The following COL5A2 variants were observed in gnomAD, a reference collection of about 807,000 sequenced individuals.
COL5A2 encodes collagen alpha-2(V) chain.
Under a neutral mutation model 208.2 loss-of-function variants are expected in COL5A2, and 23 were observed. That is an observed-to-expected ratio of 0.11 (90% CI 0.08 to 0.16). The LOEUF is 0.16. Among genes scored for constraint, COL5A2 ranks in the 10% least tolerant of loss-of-function variants. COL5A2 has a pLI of 1.00. For synonymous variants in COL5A2, 625 were observed against 628.5 expected (o/e 0.99, Z 0.08); for missense variants, 1,590 against 1,956.4 (o/e 0.81, Z 3.53).
At chr2:189,394,399 G>C in the COL5A2 span, among the ~76,000 whole-genome samples, 1 of 152,116 alleles carries the variant, frequency 6.6e-6, no homozygotes, top group Non-Finnish European at 1.5e-5. Flanking sequence ...GATGGTATTT[G>C]GATATGGGGA....
the COL5A2 span, among the ~76,000 whole-genome samples, chr2:189,406,769 C>T: frequency 8.4e-3 from 1,282 of 152,040 alleles, 18 homozygotes; most frequent in African/African-American, 0.029. Context: ...CTAGAGTTTC[C>T]AAGGTGTGGG....
chr2:189,321,443 A>G, the COL5A2 span, among the ~76,000 whole-genome samples: 2 of 152,200 alleles, frequency 1.3e-5, no homozygotes, highest in South Asian at 2.1e-4. Context: ...AGAGACACAC[A>G]TAGGCTCAAA....
chr2:189,057,546 A>T lies in COL5A2; in HGVS notation c.2230-119T>A. On this transcript the variant is annotated intron_variant, in intron 33 of 53. Transcript: ENST00000374866. ...TTTCATGTAGTTCAACTTAGTGCTT[A>T]TATTTTTCATCTGAGAAAGTTGTCT... is the stretch of plus-strand genomic sequence containing the variant. 11 of 738,868 alleles carry T rather than the reference A, an allele frequency of 1.5e-5. No homozygotes were observed. In the South Asian group the frequency reaches 1.5e-4, roughly 10 times the overall value. 45.8% of individuals were successfully genotyped at this position (738,868 alleles called of 1,614,324 possible).
intron 1 of COL5A2, among the ~76,000 whole-genome samples, chr2:189,187,850 T>C (rs1231234066): frequency 2.0e-5 from 3 of 151,516 alleles, no homozygotes; most frequent in African/African-American, 4.9e-5. Context: ...GCGCCTGTAG[T>C]CCCAGCTACT....
At chr2:189,227,230 A>C (rs191775935), upstream of COL5A2, among the ~76,000 whole-genome samples, 24 of 152,250 alleles carry the variant, frequency 1.6e-4, no homozygotes, top group East Asian at 4.4e-3. Flanking sequence ...AACAAAATAA[A>C]TCTCCAGAAA....
chr2:189,216,292 C>G (rs1378934954), intron 1 of COL5A2, among the ~76,000 whole-genome samples: 1 of 152,080 alleles, frequency 6.6e-6, no homozygotes, highest in Non-Finnish European at 1.5e-5. Flanking sequence ...TCTATTGCCT[C>G]CAAATACCTC....
chr2:189,329,291 T>C, the COL5A2 span, among the ~76,000 whole-genome samples: 8 of 152,102 alleles, frequency 5.3e-5, no homozygotes, highest in Non-Finnish European at 8.8e-5. Flanking sequence ...ATAGAACTCA[T>C]AGAAGCCGAG....
chr2:189,396,922 T>TG, the COL5A2 span, among the ~76,000 whole-genome samples: 4 of 136,662 alleles, frequency 2.9e-5, no homozygotes, highest in Admixed American at 3.3e-4. Context: ...ACCCAGGAGA[T>TG]GGAGGTTGCA....
the COL5A2 span, among the ~76,000 whole-genome samples, chr2:189,249,906 C>A: frequency 6.6e-6 from 1 of 152,184 alleles, no homozygotes; most frequent in East Asian, 1.9e-4. Context: ...CCATGTTGGG[C>A]AGGCTGGTCT....
intron 2 of COL5A2, 61 bp downstream of exon 2, chr2:189,110,164 A>T (rs1687230909): frequency 2.4e-6 from 3 of 1,241,544 alleles, no homozygotes; most frequent in Admixed American, 1.7e-5. Flanking sequence ...AAAGTGAAAA[A>T]CACTGCAACT....
At chr2:189,285,431 T>A in the COL5A2 span, among the ~76,000 whole-genome samples, 1 of 152,168 alleles carries the variant, frequency 6.6e-6, no homozygotes, top group Non-Finnish European at 1.5e-5. Context: ...GAATTCTGAC[T>A]AATAATAACC....
chr2:189,416,721 ATTT>A, the COL5A2 span, among the ~76,000 whole-genome samples: 1 of 152,226 alleles, frequency 6.6e-6, no homozygotes, highest in African/African-American at 2.4e-5. Flanking sequence ...CAATAATAAA[ATTT>A]TTTAAAAAAA....
Position 189,079,060 on chromosome 2 carries a change from T to C in COL5A2, c.1005+3A>G, listed in dbSNP as rs375809563. On this transcript the variant is annotated splice_donor_region_variant and intron_variant, in intron 15 of 53. Transcript: ENST00000374866. The stretch of plus-strand genomic sequence containing the variant: ...TTTAAGAAACAAGAAAACGAGCACA[T>C]ACCAGAGGACCCATGGCACCCATTG... The C allele has an allele frequency of 2.7e-5, 43 of 1,611,348 alleles. No individual in the cohort carries two copies. Among genetic ancestry groups the C allele is most frequent in the Non-Finnish European group, 3.3e-5 (39 of 1,177,960 alleles).
the COL5A2 span, among the ~76,000 whole-genome samples, chr2:189,294,372 T>C: frequency 7.9e-5 from 12 of 152,216 alleles, no homozygotes; most frequent in South Asian, 8.3e-4. Context: ...ATATGTACTA[T>C]ATAATGAGGC....
At chr2:189,171,806 T>C (rs186206341) in intron 1 of COL5A2, among the ~76,000 whole-genome samples, 141 of 152,330 alleles carry the variant, frequency 9.3e-4, no homozygotes, top group Middle Eastern at 3.4e-3. Flanking sequence ...CCCTTAATTC[T>C]AGGTGGCCTA....
the COL5A2 span, among the ~76,000 whole-genome samples, chr2:189,419,318 CT>C: frequency 6.6e-6 from 1 of 152,106 alleles, no homozygotes; most frequent in Non-Finnish European, 1.5e-5. Flanking sequence ...TAACAATGTA[CT>C]CTACACGTAC....
At chr2:189,264,966 G>A in the COL5A2 span, among the ~76,000 whole-genome samples, 9 of 152,234 alleles carry the variant, frequency 5.9e-5, no homozygotes, top group Non-Finnish European at 1.3e-4. Context: ...GTGGTATCGA[G>A]GAATATGTAA....
chr2:189,097,505 C>T (rs1046854198), intron 5 of COL5A2, 175 bp from the exon 6 acceptor site: 22 of 720,062 alleles, frequency 3.1e-5, no homozygotes, highest in East Asian at 1.9e-4. Flanking sequence ...CGCTTAGAAG[C>T]GTTGTTTATG....
At chr2:189,068,671 C>T in intron 19 of COL5A2, 115 bp downstream of exon 19, 1 of 753,900 alleles carries the variant, frequency 1.3e-6, no homozygotes, top group Non-Finnish European at 2.3e-6. Flanking sequence ...TTACAGGTAC[C>T]CCCTAAATAT....
Sources: allele counts gnomAD v4.1 joint callset (sites outside exome capture counted in the v4.1 genomes callset), GRCh38; gene constraint gnomAD v4.1.1; transcripts MANE v1.5; gene names NCBI Gene and HGNC (gene_info 2026-07-23, HGNC 2026-07-21).